LRP1B: variants seen among roughly 807,000 people sequenced by gnomAD.
LRP1B encodes low-density lipoprotein receptor-related protein 1B.
LRP1B carries 217 observed loss-of-function variants against 556.6 expected under a neutral mutation model. That is an observed-to-expected ratio of 0.39 (90% CI 0.35 to 0.44). The LOEUF is 0.44. Among genes scored for constraint, LRP1B ranks in the 20% least tolerant of loss-of-function variants. LRP1B has a pLI of 1.00. For synonymous variants in LRP1B, 2,047 were observed against 1,865.8 expected (o/e 1.10, Z -2.50); for missense variants, 5,053 against 5,620.8 (o/e 0.90, Z 3.23).
intron 1 of LRP1B, among the ~76,000 whole-genome samples, chr2:141,819,335 C>G (rs967383655): frequency 2.0e-5 from 3 of 152,026 alleles, no homozygotes; most frequent in East Asian, 1.9e-4. Flanking sequence ...CTCAAAACAC[C>G]GAAAAGCTTC....
intron 47 of LRP1B, among the ~76,000 whole-genome samples, chr2:140,532,468 C>G (rs1032176127): frequency 2.6e-5 from 4 of 152,026 alleles, no homozygotes; most frequent in Non-Finnish European, 5.9e-5. Flanking sequence ...GTGATCTCAA[C>G]TCACTGCAAC....
intron 66 of LRP1B, among the ~76,000 whole-genome samples, chr2:140,433,656 C>A (rs541920941): frequency 2.0e-5 from 3 of 152,164 alleles, no homozygotes; most frequent in East Asian, 1.9e-4. Context: ...TATTCTGTAA[C>A]TTTTTATTAA....
intron 20 of LRP1B, among the ~76,000 whole-genome samples, chr2:140,935,995 C>T (rs577371795): frequency 8.0e-5 from 12 of 150,318 alleles, no homozygotes; most frequent in Middle Eastern, 3.5e-3. Context: ...TAGACTGATT[C>T]TGTGTGTATA....
intron 20 of LRP1B, among the ~76,000 whole-genome samples, chr2:140,936,573 G>T (rs537757889): frequency 2.6e-5 from 4 of 152,070 alleles, no homozygotes; most frequent in South Asian, 4.2e-4. Context: ...AAGGAAAATA[G>T]AGAGTAACCT....
intron 75 of LRP1B, among the ~76,000 whole-genome samples, chr2:140,354,994 T>C (rs1333067440): frequency 6.6e-6 from 1 of 151,398 alleles, no homozygotes; most frequent in Admixed American, 6.6e-5. Flanking sequence ...GAAATAGAAC[T>C]ATTTTCCTTA....
chr2:140,446,755 C>A (rs905908461), intron 63 of LRP1B, among the ~76,000 whole-genome samples: 2 of 151,926 alleles, frequency 1.3e-5, no homozygotes, highest in African/African-American at 4.8e-5. Context: ...AGTTCCATGA[C>A]ATTAGTGTGG....
intron 68 of LRP1B, among the ~76,000 whole-genome samples, chr2:140,373,735 T>C (rs1683097503): frequency 6.6e-6 from 1 of 152,136 alleles, no homozygotes. Context: ...TGGGCACACA[T>C]GAATACCACT....
chr2:141,169,975 C>T (rs1249456), intron 7 of LRP1B, among the ~76,000 whole-genome samples: 151,891 of 152,164 alleles, frequency 1, 75,809 homozygotes, highest in Non-Finnish European at 1. Context: ...ACATTGTATA[C>T]AGCAATGTAA....
rs1457495808 is a variant in LRP1B at position 140,288,374 on chromosome 2, TTCTTC to T, written c.12967+9429_12967+9433del. On this transcript the variant is annotated intron_variant, in intron 84 of 90. Coordinates refer to ENST00000389484, the MANE Select transcript of LRP1B (RefSeq NM_018557.3). ...ATTATCTATAAGAAAGGAATTTAATTTCTTCTCTTTAAAGCATTTAAAGATTTCTG... is the reference window on the plus strand; with the variant it reads ...ATTATCTATAAGAAAGGAATTTAATTTCTTTAAAGCATTTAAAGATTTCTG... 1.4e-4 allele frequency among the ~76,000 whole-genome samples: 21 copies of T among 151,922 alleles called. 1 individual carries two copies. In the East Asian group the frequency reaches 3.1e-3, roughly 22 times the overall value.
intron 41 of LRP1B, among the ~76,000 whole-genome samples, chr2:140,634,349 C>A (rs506281): frequency 0.16 from 24,119 of 151,938 alleles, 2,312 homozygotes; most frequent in African/African-American, 0.25. Flanking sequence ...ATATCCAATA[C>A]ATTGATATTC....
At chr2:141,822,118 C>CAGAGAGAGAGAGAG (rs1417592688) in intron 1 of LRP1B, among the ~76,000 whole-genome samples, 16 of 103,014 alleles carry the variant, frequency 1.6e-4, no homozygotes, top group African/African-American at 5.9e-4. Flanking sequence ...CACACACACA[C>CAGAGAGAGAGAGAG]ACACACACAC....
chr2:141,046,777 T>C (rs1197927708), intron 11 of LRP1B, among the ~76,000 whole-genome samples: 1 of 152,092 alleles, frequency 6.6e-6, no homozygotes, highest in Non-Finnish European at 1.5e-5. Flanking sequence ...TGTTGCATTT[T>C]GGTCCTTGAA....
At chr2:140,611,072 G>A (rs977702588) in intron 41 of LRP1B, among the ~76,000 whole-genome samples, 3 of 152,126 alleles carry the variant, frequency 2.0e-5, no homozygotes, top group Admixed American at 2.0e-4. Flanking sequence ...AGCCAATTAT[G>A]CTTAACAATG....
intron 86 of LRP1B, among the ~76,000 whole-genome samples, chr2:140,257,288 A>C (rs6755822): frequency 0.65 from 99,354 of 151,992 alleles, 33,270 homozygotes; most frequent in Non-Finnish European, 0.74. Context: ...CTAAGAAAAG[A>C]GGTCTAATAA....
At chr2:140,609,885 T>C (rs1026803647) in intron 41 of LRP1B, among the ~76,000 whole-genome samples, 3 of 152,186 alleles carry the variant, frequency 2.0e-5, no homozygotes, top group Non-Finnish European at 2.9e-5. Flanking sequence ...ATCTTTGTCC[T>C]GCTTAAAATC....
At chr2:141,865,516 C>T (rs1455052011) in intron 1 of LRP1B, among the ~76,000 whole-genome samples, 3 of 139,002 alleles carry the variant, frequency 2.2e-5, no homozygotes, top group Admixed American at 7.4e-5. Context: ...GGCGTGAACC[C>T]GGGAGGCGGA....
chr2:140,674,376 T>C (rs943013134), intron 41 of LRP1B, among the ~76,000 whole-genome samples: 4 of 152,174 alleles, frequency 2.6e-5, no homozygotes, highest in African/African-American at 9.7e-5. Context: ...AAGGTCTGAA[T>C]AGGACATATT....
intron 2 of LRP1B, among the ~76,000 whole-genome samples, chr2:141,519,402 T>TATATAC (rs1559118193): frequency 3.3e-4 from 10 of 29,874 alleles, no homozygotes; most frequent in Admixed American, 3.2e-3. Context: ...TATATATATA[T>TATATAC]GAAATGCAAT....
intron 18 of LRP1B, among the ~76,000 whole-genome samples, chr2:140,962,045 T>C (rs1342191874): frequency 6.6e-6 from 1 of 152,198 alleles, no homozygotes; most frequent in Non-Finnish European, 1.5e-5. Context: ...CGACTTTCTT[T>C]AGCTAAATGT....
Sources: gnomAD v4.1 joint callset for allele counts (sites outside exome capture counted in the v4.1 genomes callset) on GRCh38, gnomAD v4.1.1 for gene constraint, MANE v1.5 for transcripts, NCBI Gene and HGNC (gene_info 2026-07-23, HGNC 2026-07-21) for gene names.